RBM34: variants seen among roughly 807,000 people sequenced by gnomAD.
The protein encoded by RBM34 is RNA binding motif protein 34.
RBM34 carries 39 observed loss-of-function variants against 44.6 expected under a neutral mutation model. That is an observed-to-expected ratio of 0.87 (90% CI 0.68 to 1.14). RBM34 has a LOEUF of 1.14. Ranked by LOEUF, RBM34 falls within the 50% of genes most tolerant of loss-of-function variation. The pLI, the probability that RBM34 is intolerant of heterozygous loss-of-function variation, is 0.00. For synonymous variants in RBM34, 194 were observed against 184.0 expected (o/e 1.05, Z -0.44); for missense variants, 572 against 517.9 (o/e 1.10, Z -1.01).
rs139917557 is a variant in RBM34, at chr1:235,161,213, C to G, written c.14G>C (p.Gly5Ala). MALE[G>A]MSKRKRKRSV... ...TCTCTTTCTCTTCCGTTTGCTCATC[C>G]CTTCCAAGGCCATTCTTACTCCAAA... The change falls in exon 1 of 11, where the codon GGG (glycine) becomes GCG (alanine). Residue 5 changes from glycine to alanine, a missense_variant. By Grantham distance (60) the Gly-to-Ala change is moderately conservative. Coordinates refer to ENST00000408888, the MANE Select transcript of RBM34 (RefSeq NM_015014.4). 1.1e-4 allele frequency: 181 copies of G among 1,612,010 alleles called. No homozygotes were observed. The East Asian group carries it at 3.9e-3, about 35-fold the overall frequency.
chr1:235,137,756 G>A (rs1462328390), intron 8 of RBM34, 121 bp downstream of exon 8: 1 of 708,488 alleles, frequency 1.4e-6, no homozygotes, highest in South Asian at 2.1e-5. Flanking sequence ...AGAGGACATA[G>A]GCTGTTTCCT....
At position 235,138,045 on chromosome 1, in the gene RBM34, T is replaced by C. The variant is rs371146190; in HGVS notation, c.785+46A>G. On this transcript the variant is annotated intron_variant, in intron 7 of 10. Coordinates refer to ENST00000408888, the MANE Select transcript of RBM34 (RefSeq NM_015014.4). ...AAAGAATAAAAAAAGTACTCATACA[T>C]ACTTATAGGACAATTATTCTGTTCA... 4.5e-4 allele frequency: 711 copies of C among 1,563,324 alleles called. 7 individuals are homozygous for C. The African/African-American group carries it at 8.8e-3, about 19-fold the overall frequency.
chr1:235,145,324 C>A (rs1178108892), intron 6 of RBM34, among the ~76,000 whole-genome samples: 1 of 150,730 alleles, frequency 6.6e-6, no homozygotes, highest in Non-Finnish European at 1.5e-5. Context: ...GTCATCCAGG[C>A]TGGAGCGTAG....
At chr1:235,150,234 C>T (rs1662100520) in intron 5 of RBM34, among the ~76,000 whole-genome samples, 1 of 152,148 alleles carries the variant, frequency 6.6e-6, no homozygotes, top group Non-Finnish European at 1.5e-5. Flanking sequence ...GCCACCATGC[C>T]CAGCTAGTTT....
intron 5 of RBM34, among the ~76,000 whole-genome samples, 186 bp from the exon 6 acceptor site, chr1:235,148,633 C>G (rs1017500305): frequency 6.0e-5 from 9 of 151,182 alleles, no homozygotes; most frequent in Middle Eastern, 3.4e-3. Context: ...GAGTCTCACA[C>G]TGTCACCCAG....
intron 6 of RBM34, among the ~76,000 whole-genome samples, chr1:235,146,104 A>G (rs1448448162): frequency 6.6e-6 from 1 of 150,928 alleles, no homozygotes; most frequent in Non-Finnish European, 1.5e-5. Context: ...CTGGGACTAC[A>G]GTGCACAGCA....
rs1661504436 is a variant in RBM34 at position 235,138,114 on chromosome 1, A to G, written c.762T>C (p.Ser254=). 1.2e-6 allele frequency: 2 copies of G among 1,610,250 alleles called. No homozygotes were observed. Among genetic ancestry groups the G allele is most frequent in the African/African-American group, 2.7e-5 (2 of 74,552 alleles). The change falls in exon 7 of 11, where the codon AGT becomes AGC. Residue 254 remains serine, a synonymous_variant. Transcript: ENST00000408888. ...INAYVVFKEE[S]AATQALKRNG... is the part of the protein sequence containing the mutation. Reference sequence around the variant, plus strand: ...ACCTTTTCAATGCTTGCGTGGCAGCACTCTCCTCCTTAAACACAACATAGG... The same window carrying G: ...ACCTTTTCAATGCTTGCGTGGCAGCGCTCTCCTCCTTAAACACAACATAGG...
intron 5 of RBM34, among the ~76,000 whole-genome samples, chr1:235,149,072 C>T (rs563692491): frequency 3.3e-5 from 5 of 151,486 alleles, no homozygotes; most frequent in East Asian, 1.9e-4. Context: ...GAAGAGACAC[C>T]GACGATGAAA....
chr1:235,143,511 G>A (rs896356213), intron 6 of RBM34, among the ~76,000 whole-genome samples: 5 of 152,276 alleles, frequency 3.3e-5, no homozygotes, highest in South Asian at 2.1e-4. Context: ...TGAGGCGGGC[G>A]GATCACCTGA....
At chr1:235,132,126 T>C in intron 10 of RBM34, 129 bp from the exon 11 acceptor site, 2 of 800,888 alleles carry the variant, frequency 2.5e-6, no homozygotes, top group East Asian at 5.3e-5. Context: ...CAATCCCAGG[T>C]GTATCAGCTG....
intron 6 of RBM34, among the ~76,000 whole-genome samples, chr1:235,145,812 G>T (rs778598292): frequency 5.9e-5 from 9 of 152,026 alleles, no homozygotes; most frequent in Non-Finnish European, 1.3e-4. Context: ...TGAGAGAGCG[G>T]GTCTTGCTTG....
At chr1:235,155,574 G>A (rs1662365523) in intron 3 of RBM34, among the ~76,000 whole-genome samples, 1 of 148,344 alleles carries the variant, frequency 6.7e-6, no homozygotes, top group African/African-American at 2.5e-5. Context: ...GTGCAATTTC[G>A]GCTCACTGCA....
chr1:235,135,224 T>C (rs1661370732), intron 10 of RBM34, among the ~76,000 whole-genome samples: 1 of 129,918 alleles, frequency 7.7e-6, no homozygotes, highest in African/African-American at 3.1e-5. Context: ...TTTAAATTTT[T>C]TGTATTTTTT....
chr1:235,154,910 CAACA>C lies in RBM34; in HGVS notation c.564_567del (p.Phe188LeufsTer13). 1 of 1,613,896 alleles carries C rather than the reference CAACA, an allele frequency of 6.2e-7. No homozygotes were observed. The highest frequency in any genetic ancestry group is 8.5e-7 in the Non-Finnish European group (1 of 1,179,944). On this transcript the variant is annotated frameshift_variant, in exon 4 of 11. Coordinates refer to ENST00000408888, the MANE Select transcript of RBM34 (RefSeq NM_015014.4). LOFTEE classifies it high-confidence loss of function. ...TTATTACATGTAACAGGCAAATTCC[CAACA>C]AACACAGTTCTCTCATTCTTTAATC...
chr1:235,154,984 A>G lies in RBM34; in HGVS notation c.494T>C (p.Val165Ala), dbSNP rs1326127708. The G allele has an allele frequency of 1.2e-6, 2 of 1,614,018 alleles. No individual in the cohort carries two copies. The highest frequency in any genetic ancestry group is 2.2e-5 in the East Asian group (1 of 44,868). The change falls in exon 4 of 11, where the codon GTT (valine) becomes GCT (alanine). Residue 165 changes from valine to alanine, a missense_variant. Coordinates refer to ENST00000408888, the MANE Select transcript of RBM34 (RefSeq NM_015014.4). ...RKILDDTEDT[V>A]VSQRKKIQIN... ...TTGAATTTTCTTTCTTTGACTGACA[A>G]CTGTGTCTTCTGTGTCATCAAGTAT... is the stretch of plus-strand genomic sequence containing the variant.
chr1:235,155,854 TATATATATATATAC>T (rs1423132861), intron 3 of RBM34, among the ~76,000 whole-genome samples: 13 of 44,118 alleles, frequency 2.9e-4, no homozygotes, highest in African/African-American at 1.6e-3. Flanking sequence ...TATATATATA[TATATATATATATAC>T]ATATATACTT....
At chr1:235,140,396 A>C in intron 6 of RBM34, among the ~76,000 whole-genome samples, 1 of 152,088 alleles carries the variant, frequency 6.6e-6, no homozygotes, top group East Asian at 1.9e-4. Context: ...CCGGCCCTGC[A>C]GGCCCTGCCG....
intron 5 of RBM34, among the ~76,000 whole-genome samples, chr1:235,148,878 A>G (rs916825881): frequency 3.9e-5 from 6 of 151,910 alleles, no homozygotes; most frequent in Middle Eastern, 3.4e-3. Context: ...GATTACAAAC[A>G]TGAGCCACCA....
chr1:235,160,932 C>T lies in RBM34; in HGVS notation c.189G>A (p.Leu63=). The change falls in exon 2 of 11, where the codon CTG becomes CTA. Residue 63 remains leucine, a synonymous_variant. Coordinates refer to ENST00000408888, the MANE Select transcript of RBM34 (RefSeq NM_015014.4). ...TGRLASLFSS[L]EPQIQPVYVP... is the part of the protein sequence containing the mutation. ...CGTACACGGGTTGAATCTGGGGCTC[C>T]AGAGAACTGAAGAGGGACGCCAGCC... 6.2e-7 allele frequency: 1 copy of T among 1,614,118 alleles called. No individual in the cohort carries two copies. The highest frequency in any genetic ancestry group is 8.5e-7 in the Non-Finnish European group (1 of 1,180,034).
Sources: gnomAD v4.1 joint callset for allele counts (sites outside exome capture counted in the v4.1 genomes callset) on GRCh38, gnomAD v4.1.1 for gene constraint, MANE v1.5 for transcripts, NCBI Gene and HGNC (gene_info 2026-07-23, HGNC 2026-07-21) for gene names.